The following MRPL22 variants were observed in gnomAD, a reference collection of about 807,000 sequenced individuals.
The protein encoded by MRPL22 is large ribosomal subunit protein uL22m.
In MRPL22, 27 loss-of-function variants were observed where a neutral mutation model predicts 32.4. The ratio of observed to expected loss-of-function variants is 0.83; its 90% CI spans 0.61 to 1.15. The LOEUF (loss-of-function observed/expected upper bound fraction) is 1.15. Ranked by LOEUF, MRPL22 falls within the 50% of genes most tolerant of loss-of-function variation. The probability of loss-of-function intolerance (pLI) is 0.00; values close to 1 mark genes in which losing one functional copy is unlikely to be tolerated. For missense variants in MRPL22, 239 were observed against 260.2 expected, an observed-to-expected ratio of 0.92 and a Z score of 0.56; for synonymous variants, 86 against 87.3, an observed-to-expected ratio of 0.99 and a Z score of 0.08.
chr5:154,943,772 C>T (rs1002304188), intron 2 of MRPL22, among the ~76,000 whole-genome samples: 1 of 151,736 alleles, frequency 6.6e-6, no homozygotes. Context: ...TTCAAGCCAT[C>T]TTCCCAACTC....
chr5:154,949,644 G>A (rs1010505160), intron 2 of MRPL22, among the ~76,000 whole-genome samples: 1 of 152,206 alleles, frequency 6.6e-6, no homozygotes, highest in African/African-American at 2.4e-5. Context: ...TTGGGAAGTT[G>A]AAGATAAACT....
intron 2 of MRPL22, among the ~76,000 whole-genome samples, chr5:154,949,853 T>C (rs1764535304): frequency 6.6e-6 from 1 of 152,198 alleles, no homozygotes; most frequent in South Asian, 2.1e-4. Context: ...ACAACCACTC[T>C]AGCCTCAATG....
In MRPL22 at chr5:154,965,716, C is replaced by G. The variant is rs185730154; in HGVS notation, c.410-970C>G. Among the ~76,000 whole-genome samples the G allele has an allele frequency of 1.8e-3, 276 of 152,274 alleles. 4 individuals carry two copies. In the East Asian group the frequency reaches 0.024, roughly 13 times the overall value. On this transcript the variant is annotated intron_variant, in intron 6 of 6. Transcript: ENST00000523037. ...AGATTACAGGTGTGAGCCACCGCGC[C>G]TGGCCCTTACATGCTATTTAAAAGA...
chr5:154,952,104 A>G (rs1015701244), intron 3 of MRPL22, among the ~76,000 whole-genome samples: 1 of 152,018 alleles, frequency 6.6e-6, no homozygotes, highest in Admixed American at 6.6e-5. Context: ...GATGGTCTCG[A>G]TCTCCTGACC....
chr5:154,957,507 G>T (rs150873972), intron 5 of MRPL22, among the ~76,000 whole-genome samples: 2 of 152,088 alleles, frequency 1.3e-5, no homozygotes, highest in East Asian at 1.9e-4. Flanking sequence ...GGCTTGGTAC[G>T]TATATGTGTG....
intron 6 of MRPL22, among the ~76,000 whole-genome samples, chr5:154,965,177 G>A (rs1344428630): frequency 1.3e-5 from 2 of 152,176 alleles, no homozygotes; most frequent in African/African-American, 2.4e-5. Flanking sequence ...AGAGGATATC[G>A]TAGTTAGAGA....
At chr5:154,959,936 C>T in intron 5 of MRPL22, 44 bp from the exon 6 acceptor site, 1 of 1,384,430 alleles carries the variant, frequency 7.2e-7, no homozygotes, top group Non-Finnish European at 1.0e-6. Context: ...TTCCATTTTA[C>T]TTCAGGTTTA....
chr5:154,954,878 A>G (rs2644746), intron 3 of MRPL22, among the ~76,000 whole-genome samples: 26,124 of 151,444 alleles, frequency 0.17, 3,028 homozygotes, highest in African/African-American at 0.33. Context: ...TACAAGCTCC[A>G]CCTCCCGGGT....
At position 154,968,168 on chromosome 5, in the gene MRPL22, G is replaced by T. The variant is rs1764793470; in HGVS notation, c.*1271G>T. The T allele has an allele frequency of 5.9e-5, 9 of 152,148 alleles. No individual in the cohort carries two copies. The South Asian group carries it at 1.9e-3, about 31-fold the overall frequency. 9.4% of individuals were successfully genotyped at this position (152,148 alleles called of 1,614,324 possible). A position where few individuals can be genotyped will look rare whatever the true frequency, so the allele number is the denominator to read the frequency against. On this transcript the variant is annotated 3_prime_UTR_variant, in exon 7 of 7. Transcript: ENST00000523037. ...AAGTCACACAGCATGTAAATATTGG[G>T]GCTATGATTGAAAGGTTTCTAAAGT...
intron 5 of MRPL22, among the ~76,000 whole-genome samples, chr5:154,958,538 CTTTTTTTTTTTT>C (rs201113350): frequency 3.6e-5 from 3 of 83,316 alleles, no homozygotes; most frequent in Non-Finnish European, 6.8e-5. Flanking sequence ...TGACAATTGT[CTTTTTTTTTTTT>C]TTTTTTTTTT....
intron 2 of MRPL22, among the ~76,000 whole-genome samples, chr5:154,949,262 T>G (rs181090266): frequency 6.6e-6 from 1 of 152,344 alleles, no homozygotes; most frequent in East Asian, 1.9e-4. Flanking sequence ...GATCTAGTAC[T>G]TATTGGATTT....
chr5:154,952,667 G>A (rs929836530), intron 3 of MRPL22, among the ~76,000 whole-genome samples: 20 of 152,100 alleles, frequency 1.3e-4, no homozygotes, highest in African/African-American at 4.1e-4. Context: ...TGGGAATACC[G>A]ATACCCTTCA....
At chr5:154,948,236 C>G (rs1267389054) in intron 2 of MRPL22, among the ~76,000 whole-genome samples, 1 of 152,238 alleles carries the variant, frequency 6.6e-6, no homozygotes, top group South Asian at 2.1e-4. Flanking sequence ...TTGAAACACT[C>G]CCCCCACTGT....
Position 154,941,128 on chromosome 5 carries a change from G to A in MRPL22, c.18G>A (p.Leu6=), listed in dbSNP as rs746432294. ...GGCGAAAGATGGCGGCGGCAGTACT[G>A]GGACAGTTGGGTAAGGATTTCTTAG... MAAAV[L]GQLGALWIHN... is the part of the protein sequence containing the mutation. Residue 6 remains leucine, a synonymous_variant, in exon 1 of 7, where the codon CTG becomes CTA. Coordinates refer to ENST00000523037, the MANE Select transcript of MRPL22 (RefSeq NM_014180.4). The A allele has an allele frequency of 1.3e-5, 21 of 1,613,952 alleles. No homozygotes were observed. The African/African-American group carries it at 1.3e-4, about 10-fold the overall frequency.
intron 6 of MRPL22, among the ~76,000 whole-genome samples, chr5:154,964,045 T>A (rs918153498): frequency 6.6e-6 from 1 of 152,186 alleles, no homozygotes; most frequent in Non-Finnish European, 1.5e-5. Flanking sequence ...ATTGGGCCTA[T>A]ATTCCAGAGA....
chr5:154,955,088 C>G (rs989472522), intron 3 of MRPL22: 1 of 152,120 alleles, frequency 6.6e-6, no homozygotes, highest in Non-Finnish European at 1.5e-5. Flanking sequence ...CCACTGCTCC[C>G]GGCCAAGGGT....
chr5:154,962,010 A>G (rs1383566104), intron 6 of MRPL22, among the ~76,000 whole-genome samples: 2 of 152,196 alleles, frequency 1.3e-5, no homozygotes, highest in African/African-American at 4.8e-5. Flanking sequence ...GTTCTTTTGC[A>G]CATTTCTGCT....
intron 6 of MRPL22, among the ~76,000 whole-genome samples, chr5:154,963,122 A>G (rs1764725698): frequency 6.6e-6 from 1 of 152,136 alleles, no homozygotes; most frequent in Non-Finnish European, 1.5e-5. Flanking sequence ...TATTTTTAGT[A>G]GAGATGAGGT....
At chr5:154,965,427 AT>A (rs201797693) in intron 6 of MRPL22, among the ~76,000 whole-genome samples, 369 of 138,480 alleles carry the variant, frequency 2.7e-3, no homozygotes, top group Middle Eastern at 3.7e-3. Flanking sequence ...CTTATGTACT[AT>A]TTTTTTTTTT....
Sources: gnomAD v4.1 joint callset for allele counts (sites outside exome capture counted in the v4.1 genomes callset) on GRCh38, gnomAD v4.1.1 for gene constraint, MANE v1.5 for transcripts, NCBI Gene and HGNC (gene_info 2026-07-23, HGNC 2026-07-21) for gene names.